The following STAU2 variants were observed in gnomAD, a reference collection of about 807,000 sequenced individuals.
The protein encoded by STAU2 is staufen double-stranded RNA binding protein 2.
STAU2 carries 20 observed loss-of-function variants against 65.9 expected under a neutral mutation model. The ratio of observed to expected loss-of-function variants is 0.30; its 90% CI spans 0.21 to 0.44. STAU2 has a LOEUF of 0.44. STAU2 is among the 20% of genes least tolerant of loss of function. The pLI is 1.00. For synonymous variants in STAU2, 232 were observed against 233.9 expected (o/e 0.99, Z 0.07); for missense variants, 558 against 683.9 (o/e 0.82, Z 2.05).
At chr8:73,472,202 G>A (rs1370014181) in intron 13 of STAU2, among the ~76,000 whole-genome samples, 3 of 152,122 alleles carry the variant, frequency 2.0e-5, no homozygotes, top group Non-Finnish European at 4.4e-5. Flanking sequence ...ATGACATTAC[G>A]TTTAAAATAA....
At chr8:73,639,166 T>C (rs947517885) in intron 6 of STAU2, among the ~76,000 whole-genome samples, 1 of 152,232 alleles carries the variant, frequency 6.6e-6, no homozygotes, top group South Asian at 2.1e-4. Flanking sequence ...AACAGTTTAA[T>C]AGTGAAAATT....
At chr8:73,433,337 T>G (rs1817440967) in intron 13 of STAU2, among the ~76,000 whole-genome samples, 1 of 151,344 alleles carries the variant, frequency 6.6e-6, no homozygotes. Context: ...CCCAAGTAGC[T>G]GGGACTACAG....
chr8:73,616,730 A>G (rs1245746367), intron 7 of STAU2, among the ~76,000 whole-genome samples: 4 of 152,144 alleles, frequency 2.6e-5, no homozygotes, highest in Non-Finnish European at 5.9e-5. Flanking sequence ...CCCGGGAGGC[A>G]GAGGTTGCAG....
intron 13 of STAU2, among the ~76,000 whole-genome samples, chr8:73,444,012 G>A (rs1355279282): frequency 2.0e-5 from 3 of 152,156 alleles, no homozygotes; most frequent in East Asian, 3.8e-4. Flanking sequence ...CTCCTTCCAT[G>A]TTGTGACTCT....
intron 1 of STAU2, among the ~76,000 whole-genome samples, chr8:73,742,950 G>A (rs1183971510): frequency 6.6e-6 from 1 of 152,048 alleles, no homozygotes; most frequent in East Asian, 1.9e-4. Context: ...TCCTACAGTT[G>A]ATAGGCAATT....
chr8:73,427,929 AT>A (rs1283900305), intron 13 of STAU2, among the ~76,000 whole-genome samples: 1 of 152,208 alleles, frequency 6.6e-6, no homozygotes, highest in Non-Finnish European at 1.5e-5. Context: ...AAATTTTATT[AT>A]TTTTTGTAAC....
intron 13 of STAU2, 105 bp downstream of exon 13, chr8:73,551,907 A>G: frequency 7.1e-7 from 1 of 1,408,218 alleles, no homozygotes; most frequent in Non-Finnish European, 9.3e-7. Context: ...CGTAAGTGGC[A>G]TGTAGGCCAT....
intron 11 of STAU2, among the ~76,000 whole-genome samples, chr8:73,584,415 G>A (rs371234526): frequency 2.6e-4 from 40 of 152,234 alleles, no homozygotes; most frequent in South Asian, 1.2e-3. Context: ...TTGCTAATGC[G>A]CTAAGTGTTT....
chr8:73,598,157 TG>T (rs1426149399), intron 10 of STAU2, among the ~76,000 whole-genome samples: 6 of 152,076 alleles, frequency 3.9e-5, no homozygotes, highest in South Asian at 2.1e-4. Context: ...GTTTAACATT[TG>T]AAATTCAAAC....
chr8:73,424,721 C>G (rs1171520961), intron 13 of STAU2, among the ~76,000 whole-genome samples: 1 of 151,548 alleles, frequency 6.6e-6, no homozygotes, highest in Non-Finnish European at 1.5e-5. Context: ...TCTTTCTTCT[C>G]TCTTGCTTTT....
intron 3 of STAU2, among the ~76,000 whole-genome samples, chr8:73,725,807 C>A (rs1805581163): frequency 1.3e-5 from 2 of 152,236 alleles, no homozygotes; most frequent in East Asian, 3.9e-4. Flanking sequence ...GTGGTGCATG[C>A]CTGTAATCCC....
intron 6 of STAU2, among the ~76,000 whole-genome samples, chr8:73,638,432 A>T (rs977319647): frequency 6.6e-6 from 1 of 151,748 alleles, no homozygotes; most frequent in Non-Finnish European, 1.5e-5. Flanking sequence ...TTATTTTTTT[A>T]AATCAATTTT....
intron 12 of STAU2, chr8:73,561,431 T>A: frequency 2.4e-6 from 1 of 424,588 alleles, no homozygotes; most frequent in South Asian, 1.7e-5. Flanking sequence ...TAATGAGTCA[T>A]CTTCAATTTT....
At chr8:73,712,190 T>C (rs1354506767) in intron 3 of STAU2, among the ~76,000 whole-genome samples, 3 of 152,238 alleles carry the variant, frequency 2.0e-5, no homozygotes, top group African/African-American at 7.2e-5. Context: ...ATGTTATCAC[T>C]GAAGATAGTT....
At chr8:73,447,264 C>G (rs1484755182) in intron 13 of STAU2, among the ~76,000 whole-genome samples, 1 of 152,192 alleles carries the variant, frequency 6.6e-6, no homozygotes, top group Non-Finnish European at 1.5e-5. Flanking sequence ...TTCTTATATA[C>G]ACATATATGG....
rs138489621 is a variant in STAU2, at chr8:73,434,008, C to A, written c.1531-11306G>T. 2.9e-3 allele frequency among the ~76,000 whole-genome samples: 437 copies of A among 151,914 alleles called. 6 individuals are homozygous for A. The highest frequency in any genetic ancestry group is 0.019 in the Admixed American group (283 of 15,280). Reference sequence around the variant, plus strand: ...ATTACTTCCCATGGCAAAAGGGACTCTGTGCATGAGATGAAGGTATGAATG... The same window carrying A: ...ATTACTTCCCATGGCAAAAGGGACTATGTGCATGAGATGAAGGTATGAATG... On this transcript the variant is annotated intron_variant, in intron 13 of 14. Transcript: ENST00000524300.
At chr8:73,621,576 T>A (rs1813237557) in intron 6 of STAU2, among the ~76,000 whole-genome samples, 1 of 152,078 alleles carries the variant, frequency 6.6e-6, no homozygotes, top group Non-Finnish European at 1.5e-5. Flanking sequence ...AATGTTTAGA[T>A]CCCCATAATG....
At chr8:73,648,625 T>C (rs987241078) in intron 6 of STAU2, among the ~76,000 whole-genome samples, 1 of 152,208 alleles carries the variant, frequency 6.6e-6, no homozygotes, top group African/African-American at 2.4e-5. Context: ...TTGAATCACC[T>C]TACTGCTGTC....
intron 5 of STAU2, among the ~76,000 whole-genome samples, chr8:73,686,326 A>G (rs1486141520): frequency 6.6e-6 from 1 of 152,068 alleles, no homozygotes; most frequent in African/African-American, 2.4e-5. Flanking sequence ...CGGGGTGGGC[A>G]GATCATGAGG....
Sources: allele counts gnomAD v4.1 joint callset (sites outside exome capture counted in the v4.1 genomes callset), GRCh38; gene constraint gnomAD v4.1.1; transcripts MANE v1.5; gene names NCBI Gene and HGNC (gene_info 2026-07-23, HGNC 2026-07-21).